The following PKIB variants were observed in gnomAD, a reference collection of about 807,000 sequenced individuals.
PKIB encodes PKI-beta.
Under a neutral mutation model 4.5 loss-of-function variants are expected in PKIB, and 2 were observed. The observed-to-expected ratio is 0.44, with a 90% CI of 0.18 to 1.39. The LOEUF (loss-of-function observed/expected upper bound fraction) is 1.39, where lower values mean the gene tolerates loss of function less well. Among genes scored for constraint, PKIB ranks in the 40% most tolerant of loss-of-function variants. PKIB has a pLI of 0.27. For missense variants in PKIB, 94 were observed against 92.6 expected, an observed-to-expected ratio of 1.02 and a Z score of -0.06; for synonymous variants, 38 against 36.0, an observed-to-expected ratio of 1.06 and a Z score of -0.20.
At position 122,576,689 on chromosome 6, in the gene PKIB, A is replaced by AAAAAAAAAATAT. The variant is rs1345822382; in HGVS notation, c.-247-9231_-247-9230insAAAAAAAATATA. Among the ~76,000 whole-genome samples, 17 of 34,310 alleles carry AAAAAAAAAATAT rather than the reference A, an allele frequency of 5.0e-4. 1 individual carries two copies. Among genetic ancestry groups the AAAAAAAAAATAT allele is most frequent in the Non-Finnish European group, 6.1e-4 (13 of 21,458 alleles). 22.5% of individuals were successfully genotyped at this position (34,310 alleles called of 152,430 possible). Reference sequence around the variant, plus strand: ...ATCTCAAAAAAAAAAAAAAAAAAAAAATATATATATATATATATATATTTT... The same window carrying AAAAAAAAAATAT: ...ATCTCAAAAAAAAAAAAAAAAAAAAAAAAAAAAAATATATATATATATATATATATATATTTT... On this transcript the variant is annotated intron_variant, in intron 2 of 6. Transcript: ENST00000392491.
At position 122,717,987 on chromosome 6, in the gene PKIB, A is replaced by G. The variant is rs553055285; in HGVS notation, c.169+24A>G. ...AGGTAATACTCAAAATCCTCTTACA[A>G]TTAACAGCACTTGTCCCTTCTTAAC... On this transcript the variant is annotated intron_variant, in intron 4 of 4. Coordinates refer to ENST00000368452, the MANE Select transcript of PKIB (RefSeq NM_181795.3). 34 of 1,603,420 alleles carry G rather than the reference A, an allele frequency of 2.1e-5. No individual in the cohort carries two copies. The African/African-American group carries it at 3.5e-4, about 16-fold the overall frequency.
At chr6:122,538,065 A>G (rs1452572391) in intron 2 of PKIB, among the ~76,000 whole-genome samples, 1 of 151,862 alleles carries the variant, frequency 6.6e-6, no homozygotes, top group Non-Finnish European at 1.5e-5. Flanking sequence ...TTCATTGTAG[A>G]TTCTGGATAT....
intron 3 of PKIB, among the ~76,000 whole-genome samples, chr6:122,587,787 G>A (rs988745825): frequency 6.6e-6 from 1 of 152,156 alleles, no homozygotes; most frequent in Admixed American, 6.5e-5. Context: ...GTGATGATGA[G>A]CATTTTTTCA....
intron 2 of PKIB, among the ~76,000 whole-genome samples, chr6:122,524,043 T>C (rs1198417840): frequency 1.3e-5 from 2 of 152,178 alleles, no homozygotes; most frequent in African/African-American, 2.4e-5. Flanking sequence ...TATTAATATT[T>C]TGTTGATTTT....
chr6:122,597,496 C>T (rs1440999493), intron 3 of PKIB, among the ~76,000 whole-genome samples: 2 of 152,140 alleles, frequency 1.3e-5, no homozygotes, highest in African/African-American at 4.8e-5. Context: ...CAATTGGGGT[C>T]ACCACTTGGT....
chr6:122,617,063 G>A (rs771484919), intron 1 of PKIB, among the ~76,000 whole-genome samples: 57 of 152,034 alleles, frequency 3.7e-4, no homozygotes, highest in Admixed American at 3.9e-4. Flanking sequence ...CACTTATATT[G>A]GACCTTCTTA....
chr6:122,709,851 GT>G (rs1377107092), intron 3 of PKIB, among the ~76,000 whole-genome samples: 1 of 152,142 alleles, frequency 6.6e-6, no homozygotes, highest in East Asian at 1.9e-4. Flanking sequence ...TACTGTATGA[GT>G]TTTTGCAGCA....
At chr6:122,514,786 GC>G (rs1312770487) in intron 2 of PKIB, among the ~76,000 whole-genome samples, 1 of 152,110 alleles carries the variant, frequency 6.6e-6, no homozygotes, top group Non-Finnish European at 1.5e-5. Flanking sequence ...GGAGAAGGGA[GC>G]CCCTACAACC....
chr6:122,627,885 AT>A (rs1241705441), intron 1 of PKIB, among the ~76,000 whole-genome samples: 1 of 152,046 alleles, frequency 6.6e-6, no homozygotes, highest in African/African-American at 2.4e-5. Context: ...AATTTATAAA[AT>A]ATATAAAATA....
chr6:122,529,111 T>A (rs1777178365), intron 2 of PKIB, among the ~76,000 whole-genome samples: 1 of 152,150 alleles, frequency 6.6e-6, no homozygotes, highest in South Asian at 2.1e-4. Flanking sequence ...TAACTGTTGT[T>A]TGTATATCTT....
intron 4 of PKIB, among the ~76,000 whole-genome samples, chr6:122,720,193 T>A (rs1779682632): frequency 6.6e-6 from 1 of 152,172 alleles, no homozygotes; most frequent in African/African-American, 2.4e-5. Flanking sequence ...TTATTTTTAA[T>A]TTTTTTAATA....
chr6:122,689,883 G>C (rs1344252964), intron 3 of PKIB, among the ~76,000 whole-genome samples: 2 of 152,190 alleles, frequency 1.3e-5, no homozygotes, highest in East Asian at 3.9e-4. Flanking sequence ...TATGTTGGGA[G>C]TCTATCTCTC....
chr6:122,682,017 T>C (rs1410303920), intron 3 of PKIB, among the ~76,000 whole-genome samples: 1 of 152,212 alleles, frequency 6.6e-6, no homozygotes, highest in African/African-American at 2.4e-5. Context: ...TTCTACATCC[T>C]ATTTTCCAGT....
intron 2 of PKIB, among the ~76,000 whole-genome samples, chr6:122,646,273 T>A (rs34825087): frequency 6.6e-6 from 1 of 152,168 alleles, no homozygotes; most frequent in African/African-American, 2.4e-5. Flanking sequence ...GCTTTTTCCC[T>A]GACAGTCATT....
chr6:122,570,234 T>A (rs1401301567), intron 2 of PKIB, among the ~76,000 whole-genome samples: 1 of 152,206 alleles, frequency 6.6e-6, no homozygotes, highest in Non-Finnish European at 1.5e-5. Flanking sequence ...AGTAGATGCC[T>A]TCCCTGCTGG....
intron 2 of PKIB, among the ~76,000 whole-genome samples, chr6:122,583,737 C>T (rs1354914970): frequency 6.6e-6 from 1 of 152,044 alleles, no homozygotes; most frequent in Non-Finnish European, 1.5e-5. Flanking sequence ...ACAATGATTA[C>T]CCATTCTAGA....
intron 1 of PKIB, among the ~76,000 whole-genome samples, chr6:122,618,933 A>G (rs1177933548): frequency 1.3e-5 from 2 of 152,182 alleles, no homozygotes; most frequent in African/African-American, 4.8e-5. Flanking sequence ...TCAAAATAAT[A>G]CTTTTACTAA....
intron 3 of PKIB, among the ~76,000 whole-genome samples, chr6:122,716,009 G>A (rs1779477424): frequency 6.6e-6 from 1 of 152,074 alleles, no homozygotes. Flanking sequence ...TTTAACTAAT[G>A]TAATATAAAA....
intron 2 of PKIB, chr6:122,585,640 T>C (rs2114715963): frequency 6.6e-6 from 1 of 152,210 alleles, no homozygotes; most frequent in South Asian, 2.1e-4. Flanking sequence ...TCTATAGAAG[T>C]GAAATTAATT....
Sources: gnomAD v4.1 joint callset for allele counts (sites outside exome capture counted in the v4.1 genomes callset) on GRCh38, gnomAD v4.1.1 for gene constraint, MANE v1.5 for transcripts, NCBI Gene and HGNC (gene_info 2026-07-23, HGNC 2026-07-21) for gene names.